DUSP16: variants seen among roughly 807,000 people sequenced by gnomAD.
DUSP16 encodes dual specificity protein phosphatase 16.
In DUSP16, 21 loss-of-function variants were observed where a neutral mutation model predicts 58.3. The observed-to-expected ratio is 0.36, with a 90% confidence interval of 0.26 to 0.52. The LOEUF (loss-of-function observed/expected upper bound fraction) is 0.52. Among genes scored for constraint, DUSP16 ranks in the 20% least tolerant of loss-of-function variants. The pLI is 0.94. For synonymous variants in DUSP16, 320 were observed against 323.8 expected (o/e 0.99, Z 0.12); for missense variants, 726 against 819.0 (o/e 0.89, Z 1.39).
At chr12:12,481,788 C>G (rs1033611425) in intron 5 of DUSP16, among the ~76,000 whole-genome samples, 2 of 152,010 alleles carry the variant, frequency 1.3e-5, no homozygotes, top group African/African-American at 4.8e-5. Context: ...CTCGTGTACA[C>G]AGTCTCATGC....
At chr12:12,553,824 C>T (rs564880818) in intron 1 of DUSP16, among the ~76,000 whole-genome samples, 1 of 152,278 alleles carries the variant, frequency 6.6e-6, no homozygotes, top group South Asian at 2.1e-4. Context: ...CATGAGCCAC[C>T]ATGCCTGGCC....
intron 3 of DUSP16, among the ~76,000 whole-genome samples, chr12:12,506,937 TCTC>T (rs1421508667): frequency 6.6e-6 from 1 of 152,148 alleles, no homozygotes; most frequent in African/African-American, 2.4e-5. Flanking sequence ...GATAACACCT[TCTC>T]CTAATTCAGC....
At chr12:12,513,234 A>G (rs1944103260) in intron 3 of DUSP16, among the ~76,000 whole-genome samples, 1 of 152,232 alleles carries the variant, frequency 6.6e-6, no homozygotes, top group Non-Finnish European at 1.5e-5. Flanking sequence ...TCACAGCTAT[A>G]CACCAGCATA....
chr12:12,487,858 C>G (rs1200836372), intron 4 of DUSP16, among the ~76,000 whole-genome samples: 1 of 152,186 alleles, frequency 6.6e-6, no homozygotes, highest in African/African-American at 2.4e-5. Flanking sequence ...ACCCAGCCAA[C>G]TAAGCTCGAG....
intron 1 of DUSP16, among the ~76,000 whole-genome samples, chr12:12,523,659 G>C (rs563534668): frequency 2.0e-5 from 3 of 152,336 alleles, no homozygotes; most frequent in East Asian, 3.9e-4. Context: ...CTATAAGAGA[G>C]AATTTGTCCT....
chr12:12,516,336 G>A (rs117469356), intron 3 of DUSP16, among the ~76,000 whole-genome samples: 220 of 152,280 alleles, frequency 1.4e-3, no homozygotes, highest in Middle Eastern at 6.8e-3. Context: ...AATCCACTGG[G>A]AGTGAAACAA....
At chr12:12,503,224 CTTTTTTTT>C (rs34349090) in intron 3 of DUSP16, among the ~76,000 whole-genome samples, 3 of 115,434 alleles carry the variant, frequency 2.6e-5, no homozygotes, top group African/African-American at 9.5e-5. Context: ...CTGGTTATTG[CTTTTTTTT>C]TTTTTTTTTT....
chr12:12,538,186 GAC>G (rs1944498389), intron 1 of DUSP16, among the ~76,000 whole-genome samples: 2 of 152,192 alleles, frequency 1.3e-5, no homozygotes, highest in Non-Finnish European at 2.9e-5. Context: ...CTATCCTAAA[GAC>G]ATCTTTGGTC....
At chr12:12,525,207 C>T (rs562845864) in intron 1 of DUSP16, among the ~76,000 whole-genome samples, 2 of 152,106 alleles carry the variant, frequency 1.3e-5, no homozygotes, top group South Asian at 4.2e-4. Context: ...GAAAATGAAT[C>T]AATCTATATT....
rs1214611400 is a variant in DUSP16 at position 12,519,945 on chromosome 12, A to G, written c.284T>C (p.Val95Ala). 6.2e-7 allele frequency: 1 copy of G among 1,614,028 alleles called. No homozygotes were observed. The highest frequency in any genetic ancestry group is 1.3e-5 in the African/African-American group (1 of 74,936). The change falls in exon 3 of 7, where the codon GTT (valine) becomes GCT (alanine). Residue 95 changes from valine to alanine, a missense_variant. Transcript: ENST00000298573. ...VVVYDQSSQD[V>A]ASLSSDCFLT... ...AAAACAGTCTGAAGAGAGAGAGGCA[A>G]CATCTTGGGAGCTTTGATCGTAAAC...
chr12:12,555,256 C>T lies in DUSP16; in HGVS notation c.-366+6861G>A, dbSNP rs529576099. Among the ~76,000 whole-genome samples the T allele has an allele frequency of 2.0e-5, 3 of 152,280 alleles. No homozygotes were observed. In the South Asian group the frequency reaches 6.2e-4, roughly 32 times the overall value. ...AAGCTGGAGGTGAGGTCAGAGACCCCGTTCTAGAGTGAGCACATGGCTCAA... is the reference window on the plus strand; with the variant it reads ...AAGCTGGAGGTGAGGTCAGAGACCCTGTTCTAGAGTGAGCACATGGCTCAA... On this transcript the variant is annotated intron_variant, in intron 1 of 6. Coordinates refer to ENST00000298573, the MANE Select transcript of DUSP16 (RefSeq NM_030640.3).
At chr12:12,535,008 C>T (rs1254863215) in intron 1 of DUSP16, among the ~76,000 whole-genome samples, 1 of 152,202 alleles carries the variant, frequency 6.6e-6, no homozygotes, top group Admixed American at 6.5e-5. Context: ...AGGATTTTCA[C>T]ACTAGATTAT....
chr12:12,541,975 GAATT>G (rs1181838762), intron 1 of DUSP16, among the ~76,000 whole-genome samples: 8 of 152,140 alleles, frequency 5.3e-5, no homozygotes, highest in African/African-American at 1.4e-4. Flanking sequence ...CCATGAAAAG[GAATT>G]AATACTGATA....
At chr12:12,535,887 A>G (rs1944455612) in intron 1 of DUSP16, among the ~76,000 whole-genome samples, 1 of 152,244 alleles carries the variant, frequency 6.6e-6, no homozygotes, top group African/African-American at 2.4e-5. Flanking sequence ...AACTGTATGC[A>G]GGCTTTCCTG....
chr12:12,560,539 TAA>T (rs1944883010), intron 1 of DUSP16, among the ~76,000 whole-genome samples: 1 of 152,132 alleles, frequency 6.6e-6, no homozygotes, highest in African/African-American at 2.4e-5. Flanking sequence ...TCCACAATTT[TAA>T]AAAACAAAAA....
chr12:12,486,328 C>G (rs1943681282), intron 5 of DUSP16, among the ~76,000 whole-genome samples: 1 of 152,092 alleles, frequency 6.6e-6, no homozygotes, highest in Non-Finnish European at 1.5e-5. Context: ...AAGTTACCAC[C>G]CAGCAGATCT....
At chr12:12,527,535 G>A (rs1398832589) in intron 1 of DUSP16, among the ~76,000 whole-genome samples, 2 of 152,070 alleles carry the variant, frequency 1.3e-5, no homozygotes, top group Non-Finnish European at 2.9e-5. Flanking sequence ...AACCACCATG[G>A]CATGTGTATA....
At chr12:12,549,697 T>C (rs1944697215) in intron 1 of DUSP16, among the ~76,000 whole-genome samples, 1 of 151,714 alleles carries the variant, frequency 6.6e-6, no homozygotes, top group South Asian at 2.1e-4. Context: ...AAAAAATAAC[T>C]CAGTACCCTG....
At position 12,483,465 on chromosome 12, in the gene DUSP16, C is replaced by T. The variant is rs78592116; in HGVS notation, c.692-3119G>A. Among the ~76,000 whole-genome samples the T allele has an allele frequency of 3.9e-3, 589 of 151,568 alleles. 4 individuals are homozygous for T. Among genetic ancestry groups the T allele is most frequent in the African/African-American group, 0.012 (492 of 41,252 alleles). ...ATATCCCTGTAAGGTAGGTATATTA[C>T]CTTCAGTTTCCAGATCAAGAAACTG... On this transcript the variant is annotated intron_variant, in intron 5 of 6. Transcript: ENST00000298573.
Sources: allele counts gnomAD v4.1 joint callset (sites outside exome capture counted in the v4.1 genomes callset), GRCh38; gene constraint gnomAD v4.1.1; transcripts MANE v1.5; gene names NCBI Gene and HGNC (gene_info 2026-07-23, HGNC 2026-07-21).